The following VAT1L variants were observed in gnomAD, a reference collection of about 807,000 sequenced individuals.
VAT1L encodes the protein vesicle amine transport 1 like.
In VAT1L, 34 loss-of-function variants were observed where a neutral mutation model predicts 44.1. That is an observed-to-expected ratio of 0.77 (90% CI 0.59 to 1.03). The LOEUF (loss-of-function observed/expected upper bound fraction) is 1.03, where lower values mean the gene tolerates loss of function less well. VAT1L is among the 50% of genes least tolerant of loss of function. The pLI is 0.00. For missense variants in VAT1L, 615 were observed against 538.8 expected (o/e 1.14, Z -1.40); for synonymous variants, 253 against 202.2 (o/e 1.25, Z -2.13).
chr16:77,951,087 C>G (rs1244554891), intron 7 of VAT1L, among the ~76,000 whole-genome samples: 2 of 152,186 alleles, frequency 1.3e-5, no homozygotes, highest in Non-Finnish European at 1.5e-5. Flanking sequence ...AAGCTTCCAT[C>G]CACCTGAAGG....
intron 7 of VAT1L, among the ~76,000 whole-genome samples, chr16:77,891,962 C>T (rs1199611035): frequency 6.6e-6 from 1 of 152,136 alleles, no homozygotes; most frequent in Admixed American, 6.5e-5. Context: ...GTCCCAGCTA[C>T]TCGGGGGGCT....
chr16:77,837,531 C>A (rs1208086232), intron 3 of VAT1L, among the ~76,000 whole-genome samples: 4 of 152,146 alleles, frequency 2.6e-5, no homozygotes, highest in Non-Finnish European at 4.4e-5. Flanking sequence ...TCTCAGTACC[C>A]AGCACATTGG....
At chr16:77,906,053 C>T (rs190251118) in intron 7 of VAT1L, among the ~76,000 whole-genome samples, 1 of 152,196 alleles carries the variant, frequency 6.6e-6, no homozygotes, top group East Asian at 1.9e-4. Flanking sequence ...CATTTCACCA[C>T]TGTCCCCCCA....
chr16:77,803,009 A>G (rs1280063584), intron 1 of VAT1L, among the ~76,000 whole-genome samples: 1 of 152,188 alleles, frequency 6.6e-6, no homozygotes, highest in Non-Finnish European at 1.5e-5. Context: ...TAGGGCTCAA[A>G]TCATTCCTAG....
intron 7 of VAT1L, among the ~76,000 whole-genome samples, chr16:77,940,345 T>C (rs1025412386): frequency 4.3e-4 from 63 of 145,540 alleles, no homozygotes; most frequent in Middle Eastern, 3.4e-3. Flanking sequence ...ACTTGGTTTT[T>C]TTTTTTTTTT....
intron 7 of VAT1L, among the ~76,000 whole-genome samples, chr16:77,900,372 T>C (rs923462547): frequency 1.7e-4 from 26 of 152,078 alleles, no homozygotes; most frequent in East Asian, 5.8e-4. Flanking sequence ...TATATAAATA[T>C]ATAACTACAA....
chr16:77,967,218 C>T (rs1023006153), intron 7 of VAT1L, among the ~76,000 whole-genome samples: 1 of 152,168 alleles, frequency 6.6e-6, no homozygotes, highest in Non-Finnish European at 1.5e-5. Context: ...TTCTCACCAC[C>T]TTTCAGATGG....
intron 7 of VAT1L, among the ~76,000 whole-genome samples, chr16:77,938,052 G>A (rs1038463496): frequency 5.3e-5 from 8 of 152,202 alleles, no homozygotes; most frequent in African/African-American, 1.9e-4. Context: ...ACTGTTTACT[G>A]TTGCTGATAC....
At chr16:77,902,111 A>G (rs2017389351) in intron 7 of VAT1L, among the ~76,000 whole-genome samples, 1 of 152,230 alleles carries the variant, frequency 6.6e-6, no homozygotes, top group South Asian at 2.1e-4. Flanking sequence ...TTTTGGGTTT[A>G]TGTATAATTT....
At chr16:77,872,552 A>G (rs11150021) in intron 4 of VAT1L, among the ~76,000 whole-genome samples, 67,635 of 151,780 alleles carry the variant, frequency 0.45, 16,390 homozygotes, top group East Asian at 0.78. Flanking sequence ...TCCAACTCCC[A>G]CCTGCCTCTC....
At chr16:77,851,169 C>T (rs140224311) in intron 3 of VAT1L, among the ~76,000 whole-genome samples, 3 of 152,308 alleles carry the variant, frequency 2.0e-5, no homozygotes, top group African/African-American at 4.8e-5. Context: ...GATACTAGCC[C>T]GTCTTTCTAA....
intron 4 of VAT1L, among the ~76,000 whole-genome samples, chr16:77,872,850 C>T (rs781654978): frequency 3.9e-5 from 6 of 152,200 alleles, no homozygotes; most frequent in Admixed American, 1.3e-4. Context: ...TCAGCATGCA[C>T]AGTGCCTAGC....
intron 7 of VAT1L, among the ~76,000 whole-genome samples, chr16:77,935,976 C>G (rs1226910901): frequency 6.6e-6 from 1 of 152,142 alleles, no homozygotes; most frequent in Non-Finnish European, 1.5e-5. Flanking sequence ...GAGCATCCTG[C>G]TTCTCTCTCG....
At chr16:77,976,852 G>C (rs2018346129) in intron 8 of VAT1L, among the ~76,000 whole-genome samples, 1 of 152,198 alleles carries the variant, frequency 6.6e-6, no homozygotes, top group East Asian at 1.9e-4. Flanking sequence ...AAGAAAAGGA[G>C]TCAGGCAAAA....
intron 3 of VAT1L, among the ~76,000 whole-genome samples, chr16:77,843,153 C>G (rs78644833): frequency 2.6e-5 from 4 of 152,320 alleles, no homozygotes; most frequent in African/African-American, 7.2e-5. Flanking sequence ...AAGGGGACAG[C>G]AGGTACGGGT....
At chr16:77,849,757 A>C (rs572501108) in intron 3 of VAT1L, among the ~76,000 whole-genome samples, 8 of 152,322 alleles carry the variant, frequency 5.3e-5, no homozygotes, top group East Asian at 1.9e-4. Context: ...TACAAGACTG[A>C]CAGTTAAAAC....
At chr16:77,817,152 A>G in intron 2 of VAT1L, 102 bp downstream of exon 2, 2 of 1,465,334 alleles carry the variant, frequency 1.4e-6, no homozygotes, top group Non-Finnish European at 1.8e-6. Context: ...TATGGCGTGC[A>G]TTATTATCAT....
chr16:77,810,848 T>C (rs1411855000), intron 1 of VAT1L, among the ~76,000 whole-genome samples: 1 of 152,196 alleles, frequency 6.6e-6, no homozygotes, highest in Non-Finnish European at 1.5e-5. Context: ...CATAAAGTCG[T>C]AAATATATAT....
intron 1 of VAT1L, among the ~76,000 whole-genome samples, chr16:77,808,221 A>C (rs954967765): frequency 4.6e-5 from 7 of 152,058 alleles, no homozygotes; most frequent in Non-Finnish European, 1.0e-4. Context: ...CATGAACCCT[A>C]TTGTGAGCTG....
Sources: gnomAD v4.1 joint callset for allele counts (sites outside exome capture counted in the v4.1 genomes callset) on GRCh38, gnomAD v4.1.1 for gene constraint, MANE v1.5 for transcripts, NCBI Gene and HGNC (gene_info 2026-07-23, HGNC 2026-07-21) for gene names.